The following HSPA12A variants were observed in gnomAD, a reference collection of about 807,000 sequenced individuals.
HSPA12A encodes heat shock 70 kDa protein 12A.
HSPA12A carries 28 observed loss-of-function variants against 69.2 expected under a neutral mutation model. The observed-to-expected ratio is 0.40, with a 90% CI of 0.30 to 0.55. The LOEUF is 0.55. HSPA12A is among the 20% of genes least tolerant of loss of function. HSPA12A has a pLI of 0.38. For synonymous variants in HSPA12A, 345 were observed against 370.5 expected (o/e 0.93, Z 0.79); for missense variants, 686 against 900.7 (o/e 0.76, Z 3.05).
chr10:116,678,348 C>CAAAAAAAAAAAAA (rs55780024), intron 10 of HSPA12A, among the ~76,000 whole-genome samples: 1 of 59,394 alleles, frequency 1.7e-5, no homozygotes, highest in Non-Finnish European at 2.8e-5. Flanking sequence ...TGCCAACTTG[C>CAAAAAAAAAAAAA]AAAAAAAAAA....
At chr10:116,737,482 CTT>C (rs1474878780) in intron 1 of HSPA12A, among the ~76,000 whole-genome samples, 4 of 152,194 alleles carry the variant, frequency 2.6e-5, no homozygotes, top group African/African-American at 9.6e-5. Context: ...CCTCATCCGT[CTT>C]GAGGCCCGGA....
At chr10:116,800,963 C>A (rs1589714716) in intron 2 of HSPA12A, among the ~76,000 whole-genome samples, 1 of 152,198 alleles carries the variant, frequency 6.6e-6, no homozygotes, top group Non-Finnish European at 1.5e-5. Flanking sequence ...CATTTCCTTG[C>A]TCAGAACTCT....
At chr10:116,767,196 C>T (rs904637132) in intron 2 of HSPA12A, among the ~76,000 whole-genome samples, 5 of 152,030 alleles carry the variant, frequency 3.3e-5, no homozygotes, top group Non-Finnish European at 5.9e-5. Flanking sequence ...CCCTGGGGAA[C>T]GAGGTCCTGA....
intron 2 of HSPA12A, among the ~76,000 whole-genome samples, chr10:116,799,484 T>C (rs1274249616): frequency 6.6e-6 from 1 of 152,086 alleles, no homozygotes; most frequent in African/African-American, 2.4e-5. Context: ...CATATATGCA[T>C]ACACAAATGT....
chr10:116,774,227 T>A (rs1420370283), intron 2 of HSPA12A, among the ~76,000 whole-genome samples: 1 of 152,100 alleles, frequency 6.6e-6, no homozygotes, highest in Non-Finnish European at 1.5e-5. Context: ...GCCGGGATGG[T>A]CTCGATCTCC....
intron 2 of HSPA12A, among the ~76,000 whole-genome samples, chr10:116,803,660 G>T (rs984762952): frequency 6.6e-6 from 1 of 152,170 alleles, no homozygotes; most frequent in Non-Finnish European, 1.5e-5. Context: ...GGGAATGATC[G>T]GAGCGTGAAC....
intron 1 of HSPA12A, among the ~76,000 whole-genome samples, chr10:116,733,999 T>G (rs932835113): frequency 6.6e-6 from 1 of 152,164 alleles, no homozygotes; most frequent in African/African-American, 2.4e-5. Context: ...ATAACAGGAT[T>G]CATGAGGAAA....
At chr10:116,817,834 G>C (rs1283177561) in intron 2 of HSPA12A, among the ~76,000 whole-genome samples, 2 of 152,060 alleles carry the variant, frequency 1.3e-5, no homozygotes, top group Admixed American at 1.3e-4. Context: ...GATGATACAA[G>C]ACCATCTCAC....
rs1849123484 is a variant in HSPA12A, at chr10:116,672,863, C to G, written c.*1918G>C. On this transcript the variant is annotated 3_prime_UTR_variant, in exon 12 of 12. Transcript: ENST00000369209. ...AAAGACACCTTTGTGCCTGGATACA[C>G]AATCCTGCTACTAAGTTATGTGACT... 1 of 152,636 alleles carries G rather than the reference C, an allele frequency of 6.6e-6. No homozygotes were observed. Among genetic ancestry groups the G allele is most frequent in the Non-Finnish European group, 1.5e-5 (1 of 68,040 alleles). 9.5% of individuals were successfully genotyped at this position (152,636 alleles called of 1,614,324 possible).
At chr10:116,816,282 T>C (rs1321555552) in intron 2 of HSPA12A, among the ~76,000 whole-genome samples, 1 of 152,234 alleles carries the variant, frequency 6.6e-6, no homozygotes, top group Non-Finnish European at 1.5e-5. Context: ...CGAGTGACTA[T>C]ATAAAACATT....
Position 116,674,615 on chromosome 10 carries a change from G to T in HSPA12A, c.*166C>A. Reference sequence around the variant, plus strand: ...ATTTCTGTTTTTCTGACTCCAGTGTGCCCTCAAAAGTCACTAATTATTTCT... The same window carrying T: ...ATTTCTGTTTTTCTGACTCCAGTGTTCCCTCAAAAGTCACTAATTATTTCT... On this transcript the variant is annotated 3_prime_UTR_variant, in exon 12 of 12. Transcript: ENST00000369209. The T allele has an allele frequency of 1.5e-6, 1 of 667,722 alleles. No homozygotes were observed. The highest frequency in any genetic ancestry group is 2.5e-6 in the Non-Finnish European group (1 of 399,562). 41.4% of individuals were successfully genotyped at this position (667,722 alleles called of 1,614,324 possible).
At chr10:116,819,665 A>G (rs1845374653) in intron 2 of HSPA12A, among the ~76,000 whole-genome samples, 1 of 152,124 alleles carries the variant, frequency 6.6e-6, no homozygotes, top group Non-Finnish European at 1.5e-5. Flanking sequence ...AGCCTAAGGT[A>G]TTTTGTTGCA....
At chr10:116,691,139 A>G (rs138684313) in intron 6 of HSPA12A, among the ~76,000 whole-genome samples, 51 of 152,222 alleles carry the variant, frequency 3.4e-4, no homozygotes, top group African/African-American at 1.0e-3. Flanking sequence ...AAACAGATCT[A>G]TTTTTGGCAG....
At chr10:116,678,414 G>A (rs1849304693) in intron 10 of HSPA12A, among the ~76,000 whole-genome samples, 2 of 142,240 alleles carry the variant, frequency 1.4e-5, no homozygotes, top group Non-Finnish European at 3.0e-5. Context: ...ACGGACGTGA[G>A]ATGAGCAAAG....
chr10:116,841,888 A>C (rs1397934103), intron 1 of HSPA12A, among the ~76,000 whole-genome samples: 3 of 152,092 alleles, frequency 2.0e-5, no homozygotes, highest in Non-Finnish European at 4.4e-5. Context: ...AGAGAAAACA[A>C]CACCATAATG....
At chr10:116,742,619 G>C, upstream of HSPA12A, 2 of 1,043,380 alleles carry the variant, frequency 1.9e-6, no homozygotes, top group Non-Finnish European at 2.3e-6. Flanking sequence ...CCGCAGCCAC[G>C]GCTCCTCCCC....
chr10:116,699,989 T>C (rs1184520536), intron 4 of HSPA12A, among the ~76,000 whole-genome samples: 1 of 152,268 alleles, frequency 6.6e-6, no homozygotes, highest in East Asian at 1.9e-4. Context: ...AATAGGAGCT[T>C]GCACTTGACT....
chr10:116,694,908 CTG>C (rs1390771959), intron 5 of HSPA12A, among the ~76,000 whole-genome samples: 1 of 152,200 alleles, frequency 6.6e-6, no homozygotes, highest in Admixed American at 6.5e-5. Context: ...TTGTCTCTGA[CTG>C]TGGTCACCTT....
upstream of HSPA12A, among the ~76,000 whole-genome samples, chr10:116,850,529 C>T (rs1846048020): frequency 6.6e-6 from 1 of 151,958 alleles, no homozygotes; most frequent in Non-Finnish European, 1.5e-5. Flanking sequence ...GGCAGTGTGG[C>T]TGGGGCCCCT....
Sources: gnomAD v4.1 joint callset for allele counts (sites outside exome capture counted in the v4.1 genomes callset) on GRCh38, gnomAD v4.1.1 for gene constraint, MANE v1.5 for transcripts, NCBI Gene and HGNC (gene_info 2026-07-23, HGNC 2026-07-21) for gene names.